Variants in ARV1 observed in about 807,000 individuals in gnomAD.
The protein encoded by ARV1 is ARV1 fatty acid homeostasis modulator.
Under a neutral mutation model 31.1 loss-of-function variants are expected in ARV1, and 26 were observed. That is an observed-to-expected ratio of 0.84 (90% CI 0.61 to 1.16). ARV1 has a LOEUF of 1.16. Ranked by LOEUF, ARV1 falls within the 50% of genes most tolerant of loss-of-function variation. ARV1 has a pLI of 0.00. For synonymous variants in ARV1, 117 were observed against 123.2 expected, an observed-to-expected ratio of 0.95 and a Z score of 0.34; for missense variants, 281 against 324.9, an observed-to-expected ratio of 0.86 and a Z score of 1.04.
intron 4 of ARV1, among the ~76,000 whole-genome samples, chr1:230,996,456 TA>T (rs934069534): frequency 6.6e-6 from 1 of 152,170 alleles, no homozygotes; most frequent in African/African-American, 2.4e-5. Flanking sequence ...TTATTTTATT[TA>T]TTTTTTTGAG....
chr1:230,990,377 C>T, intron 3 of ARV1, 114 bp downstream of exon 3: 1 of 1,365,106 alleles, frequency 7.3e-7, no homozygotes, highest in South Asian at 1.3e-5. Context: ...TAATATGGGA[C>T]TTAAGATGAA....
chr1:230,984,117 G>T (rs938492225), intron 1 of ARV1, among the ~76,000 whole-genome samples: 2 of 152,122 alleles, frequency 1.3e-5, no homozygotes, highest in African/African-American at 4.8e-5. Context: ...GGGCATGGTG[G>T]CACGCGCCTG....
chr1:231,000,010 G>A (rs1679478108), intron 5 of ARV1, 128 bp from the exon 6 acceptor site: 1 of 152,188 alleles, frequency 6.6e-6, no homozygotes, highest in Admixed American at 6.5e-5. Flanking sequence ...CTGTTCAGAA[G>A]TCTGGTGCTG....
In ARV1 at chr1:230,995,763, A is replaced by C; in HGVS notation, c.452A>C (p.Gln151Pro). ...YRMFAIAALEQTAYFIGIFTF... is the reference protein window; with the variant it reads ...YRMFAIAALEPTAYFIGIFTF... ...TTATTTTCCATTTCTTCTTTAGAACAAACTGCCTATTTTATTGGCATTTTT... is the reference window on the plus strand; with the variant it reads ...TTATTTTCCATTTCTTCTTTAGAACCAACTGCCTATTTTATTGGCATTTTT... The change falls in exon 4 of 6, where the codon CAA becomes CCA. Residue 151 changes from glutamine (Q) to proline (P), a missense_variant. Coordinates refer to ENST00000310256, the MANE Select transcript of ARV1 (RefSeq NM_022786.3). The C allele has an allele frequency of 6.2e-7, 1 of 1,611,504 alleles. No homozygotes were observed. Among genetic ancestry groups the C allele is most frequent in the Non-Finnish European group, 8.5e-7 (1 of 1,178,384 alleles).
chr1:230,984,359 T>TGTGTGTGTGTGTGTGCGC lies in ARV1; in HGVS notation c.175-3958_175-3957insTGTGTGTGTGTGCGCGTG, dbSNP rs71179756. 1.1e-3 allele frequency among the ~76,000 whole-genome samples: 105 copies of TGTGTGTGTGTGTGTGCGC among 93,516 alleles called. 1 individual carries two copies. Among genetic ancestry groups the TGTGTGTGTGTGTGTGCGC allele is most frequent in the South Asian group, 3.1e-3 (9 of 2,918 alleles). 61.4% of individuals were successfully genotyped at this position (93,516 alleles called of 152,430 possible). The stretch of plus-strand genomic sequence containing the variant: ...TGTTTGTTTCGTGTGTGTGTGTGTG[T>TGTGTGTGTGTGTGTGCGC]GTGCGTGTGTGTGTGTGTGTGTGTG... On this transcript the variant is annotated intron_variant, in intron 1 of 5. Coordinates refer to ENST00000310256, the MANE Select transcript of ARV1 (RefSeq NM_022786.3).
At position 230,985,257 on chromosome 1, in the gene ARV1, C is replaced by T. The variant is rs368633213; in HGVS notation, c.175-3063C>T. 7.9e-5 allele frequency among the ~76,000 whole-genome samples: 12 copies of T among 152,340 alleles called. No individual in the cohort carries two copies. In the East Asian group the frequency reaches 1.9e-3, roughly 25 times the overall value. ...GGCAAAGCACACAGCATATCACATA[C>T]TACCAGAAGCTGCCTCCTCTGTTTG... On this transcript the variant is annotated intron_variant, in intron 1 of 5. Coordinates refer to ENST00000310256, the MANE Select transcript of ARV1 (RefSeq NM_022786.3).
intron 1 of ARV1, 28 bp from the exon 2 acceptor site, chr1:230,988,292 G>A: frequency 6.4e-7 from 1 of 1,570,488 alleles, no homozygotes; most frequent in East Asian, 2.3e-5. Flanking sequence ...ACATTTGCTT[G>A]TTCTAATATT....
At chr1:230,995,435 A>G (rs1679332115) in intron 3 of ARV1, among the ~76,000 whole-genome samples, 1 of 152,172 alleles carries the variant, frequency 6.6e-6, no homozygotes, top group Admixed American at 6.5e-5. Flanking sequence ...GATCTCTTAC[A>G]CTGAAGATGT....
At chr1:230,989,873 C>G (rs1214914849) in intron 2 of ARV1, among the ~76,000 whole-genome samples, 1 of 152,190 alleles carries the variant, frequency 6.6e-6, no homozygotes, top group Non-Finnish European at 1.5e-5. Context: ...TATGAAGATT[C>G]TCAATCAGGA....
chr1:230,997,719 C>T (rs1249442153), intron 5 of ARV1, among the ~76,000 whole-genome samples: 1 of 152,144 alleles, frequency 6.6e-6, no homozygotes, highest in Admixed American at 6.5e-5. Context: ...AACCTATAGG[C>T]TGTGTTGTGC....
chr1:230,980,326 GTT>G (rs59900955), intron 1 of ARV1, among the ~76,000 whole-genome samples: 1 of 149,962 alleles, frequency 6.7e-6, no homozygotes, highest in Non-Finnish European at 1.5e-5. Flanking sequence ...TCTTATTTCG[GTT>G]TTTTTTTTCT....
intron 1 of ARV1, among the ~76,000 whole-genome samples, chr1:230,986,702 T>G: frequency 1.2e-5 from 1 of 86,444 alleles, no homozygotes; most frequent in Non-Finnish European, 2.2e-5. Context: ...TTTTTTTTTT[T>G]TTTTGAGAGA....
At chr1:230,984,363 CGTGTGT>C (rs34285543) in intron 1 of ARV1, among the ~76,000 whole-genome samples, 2,249 of 129,808 alleles carry the variant, frequency 0.017, 28 homozygotes, top group Middle Eastern at 0.031. Flanking sequence ...TGTGTGTGTG[CGTGTGT>C]GTGTGTGTGT....
At chr1:230,990,986 A>T (rs1349523071) in intron 3 of ARV1, among the ~76,000 whole-genome samples, 4 of 152,242 alleles carry the variant, frequency 2.6e-5, no homozygotes, top group African/African-American at 9.6e-5. Flanking sequence ...TAATTGCATT[A>T]TACTAATGCA....
chr1:230,998,292 G>A (rs987694633), intron 5 of ARV1, among the ~76,000 whole-genome samples: 5 of 152,274 alleles, frequency 3.3e-5, no homozygotes, highest in Admixed American at 1.3e-4. Flanking sequence ...TTGAGGCTGC[G>A]CTTTGGTCTC....
In ARV1 at chr1:231,000,497, A is replaced by G. The variant is rs1679494596; in HGVS notation, c.*364A>G. On this transcript the variant is annotated 3_prime_UTR_variant, in exon 6 of 6. Transcript: ENST00000310256. ...AACATCTAGGTTTCATTCCTTTGAC[A>G]TGTTTATATCTTTTTAATTTAAATG... 2 of 152,368 alleles carry G rather than the reference A, an allele frequency of 1.3e-5. No individual in the cohort carries two copies. The highest frequency in any genetic ancestry group is 6.5e-5 in the Admixed American group (1 of 15,304). 9.4% of individuals were successfully genotyped at this position (152,368 alleles called of 1,614,324 possible). A position where few individuals can be genotyped will look rare whatever the true frequency, so the allele number is the denominator to read the frequency against.
chr1:230,982,346 A>G (rs949274461), intron 1 of ARV1, among the ~76,000 whole-genome samples: 3 of 152,268 alleles, frequency 2.0e-5, no homozygotes, highest in African/African-American at 4.8e-5. Context: ...ATATGGTCTG[A>G]AGAAAAGCTG....
intron 1 of ARV1, among the ~76,000 whole-genome samples, chr1:230,984,349 T>TGG (rs1678992024): frequency 1.4e-5 from 1 of 70,212 alleles, no homozygotes; most frequent in Non-Finnish European, 2.9e-5. Flanking sequence ...GTTTCGTGTG[T>TGG]GTGTGTGTGT....
chr1:230,985,833 G>A (rs1226775491), intron 1 of ARV1, among the ~76,000 whole-genome samples: 1 of 152,126 alleles, frequency 6.6e-6, no homozygotes, highest in Admixed American at 6.5e-5. Flanking sequence ...CTGATTCTGG[G>A]GCTTCTGTTT....
Sources: gnomAD v4.1 joint callset for allele counts (sites outside exome capture counted in the v4.1 genomes callset) on GRCh38, gnomAD v4.1.1 for gene constraint, MANE v1.5 for transcripts, NCBI Gene and HGNC (gene_info 2026-07-23, HGNC 2026-07-21) for gene names.